CAPN13: variants seen among roughly 807,000 people sequenced by gnomAD.
The protein encoded by CAPN13 is calpain-13.
A neutral mutation model predicts 98.4 loss-of-function variants in CAPN13; 90 were observed. That is an observed-to-expected ratio of 0.92 (90% CI 0.77 to 1.09). CAPN13 has a LOEUF of 1.09. Ranked by LOEUF, CAPN13 falls within the 50% of genes least tolerant of loss-of-function variation. The pLI, the probability that CAPN13 is intolerant of heterozygous loss-of-function variation, is 0.00. For missense variants in CAPN13, 887 were observed against 841.3 expected (o/e 1.05, Z -0.67); for synonymous variants, 330 against 305.5 (o/e 1.08, Z -0.84).
At chr2:30,803,256 A>G (rs1675405250) in intron 1 of CAPN13, among the ~76,000 whole-genome samples, 1 of 152,172 alleles carries the variant, frequency 6.6e-6, no homozygotes, top group South Asian at 2.1e-4. Context: ...CTGGCTTCAG[A>G]CCTTTGAGAA....
At chr2:30,790,402 C>T (rs1047362500) in intron 1 of CAPN13, among the ~76,000 whole-genome samples, 2 of 152,176 alleles carry the variant, frequency 1.3e-5, no homozygotes, top group African/African-American at 2.4e-5. Flanking sequence ...TGGGGCAGCT[C>T]TTGGGTGTTG....
At position 30,738,581 on chromosome 2, in the gene CAPN13, C is replaced by T; in HGVS notation, c.1537-124G>A. ...TAGTCCCCACAATGTACCCATCTTG[C>T]CCTCGTCATGAAGACTTACCTGATG... On this transcript the variant is annotated intron_variant, in intron 15 of 22. Coordinates refer to ENST00000295055, the MANE Select transcript of CAPN13 (RefSeq NM_144575.3). 4 of 1,030,896 alleles carry T rather than the reference C, an allele frequency of 3.9e-6. No individual in the cohort carries two copies. The South Asian group carries it at 5.8e-5, about 15-fold the overall frequency. The allele number at this position is 1,030,896 out of a possible 1,614,324, so 63.9% of individuals were successfully genotyped here.
At chr2:30,751,080 A>G in intron 11 of CAPN13, 23 bp downstream of exon 11, 1 of 1,611,518 alleles carries the variant, frequency 6.2e-7, no homozygotes, top group Non-Finnish European at 8.5e-7. Context: ...TACAAGGGAA[A>G]GCCCTGAAGC....
chr2:30,800,122 AAG>A (rs1298285253), intron 1 of CAPN13, among the ~76,000 whole-genome samples: 1 of 115,476 alleles, frequency 8.7e-6, no homozygotes, highest in Non-Finnish European at 1.8e-5. Context: ...AAAGAAAAGA[AAG>A]AAAGAAAGAA....
At chr2:30,746,391 G>A (rs1249953375) in intron 11 of CAPN13, 2 of 153,808 alleles carry the variant, frequency 1.3e-5, no homozygotes. Context: ...ACATAAAGCT[G>A]TAAGCAGACA....
chr2:30,806,899 C>T (rs1675661304), intron 1 of CAPN13, among the ~76,000 whole-genome samples: 1 of 152,170 alleles, frequency 6.6e-6, no homozygotes, highest in African/African-American at 2.4e-5. Context: ...TATTAAGCAC[C>T]TACTATCTAA....
chr2:30,743,639 C>T (rs558572481), intron 12 of CAPN13, 60 bp from the exon 13 acceptor site: 1 of 1,510,086 alleles, frequency 6.6e-7, no homozygotes, highest in Non-Finnish European at 9.2e-7. Context: ...GGACCCCAGT[C>T]ACCAAGAAAG....
intron 19 of CAPN13, 67 bp downstream of exon 19, chr2:30,734,381 AC>A (rs1481332857): frequency 2.5e-6 from 3 of 1,210,446 alleles, no homozygotes; most frequent in Non-Finnish European, 3.7e-6. Flanking sequence ...CAGCCTTGCT[AC>A]TAGGGGTGTG....
chr2:30,788,601 C>T (rs139281342), intron 1 of CAPN13, among the ~76,000 whole-genome samples: 1 of 152,262 alleles, frequency 6.6e-6, no homozygotes, highest in Non-Finnish European at 1.5e-5. Flanking sequence ...GTGTTGCACC[C>T]ATTTCCACTT....
intron 1 of CAPN13, among the ~76,000 whole-genome samples, chr2:30,798,757 C>T (rs1284687528): frequency 6.6e-6 from 1 of 152,152 alleles, no homozygotes; most frequent in Non-Finnish European, 1.5e-5. Context: ...AAATGGTGCC[C>T]AAACCCTGCA....
rs545680044 is a variant in CAPN13 at position 30,804,570 on chromosome 2, T to C, written c.-33+2732A>G. 4.6e-5 allele frequency among the ~76,000 whole-genome samples: 7 copies of C among 152,276 alleles called. No homozygotes were observed. The East Asian group carries it at 7.7e-4, about 17-fold the overall frequency. On this transcript the variant is annotated intron_variant, in intron 1 of 22. Coordinates refer to ENST00000295055, the MANE Select transcript of CAPN13 (RefSeq NM_144575.3). ...CAACATTCATCCAAATATTTGATCA[T>C]AAATGCTTTATATCAAGGAGCCCCC...
intron 1 of CAPN13, among the ~76,000 whole-genome samples, chr2:30,802,010 C>T (rs1675310037): frequency 6.6e-6 from 1 of 152,218 alleles, no homozygotes. Flanking sequence ...CTAGCCACAA[C>T]ACAGCGGAGA....
Position 30,794,129 on chromosome 2 carries a change from C to T in CAPN13, c.-32-6772G>A, listed in dbSNP as rs192315637. Among the ~76,000 whole-genome samples, 18 of 151,292 alleles carry T rather than the reference C, an allele frequency of 1.2e-4. No individual in the cohort carries two copies. The East Asian group carries it at 1.6e-3, about 13-fold the overall frequency. Reference sequence around the variant, plus strand: ...AAACAAAAATGCAAATTTCAGACTACGTGAAAATATTTGCAGCACGTATAT... The same window carrying T: ...AAACAAAAATGCAAATTTCAGACTATGTGAAAATATTTGCAGCACGTATAT... On this transcript the variant is annotated intron_variant, in intron 1 of 22. Coordinates refer to ENST00000295055, the MANE Select transcript of CAPN13 (RefSeq NM_144575.3).
intron 1 of CAPN13, among the ~76,000 whole-genome samples, chr2:30,804,076 T>C (rs1054605022): frequency 9.9e-5 from 15 of 152,216 alleles, no homozygotes; most frequent in Non-Finnish European, 1.6e-4. Context: ...GAGAGTGCCC[T>C]GAGAATTCAG....
At position 30,770,298 on chromosome 2, in the gene CAPN13, CG is replaced by C; in HGVS notation, c.524+14del. 6.2e-7 allele frequency: 1 copy of C among 1,611,674 alleles called. No individual in the cohort carries two copies. The highest frequency in any genetic ancestry group is 8.5e-7 in the Non-Finnish European group (1 of 1,178,526). ...ACTGAAACTCTGGGCTGATGGGTGG[CG>C]GGGTTGTACTTACTTGGCATAGGCC... On this transcript the variant is annotated intron_variant, in intron 5 of 22. Transcript: ENST00000295055.
chr2:30,785,088 T>C (rs1368027744), intron 2 of CAPN13, among the ~76,000 whole-genome samples: 2 of 152,236 alleles, frequency 1.3e-5, no homozygotes, highest in Non-Finnish European at 2.9e-5. Context: ...ACGTGTGAAC[T>C]TGAAACATGC....
At chr2:30,750,708 G>C (rs1452741130) in intron 11 of CAPN13, among the ~76,000 whole-genome samples, 1 of 152,188 alleles carries the variant, frequency 6.6e-6, no homozygotes. Flanking sequence ...AGCCTCTGGA[G>C]AGCTTATGAA....
At chr2:30,725,433 AG>A (rs981558256) in intron 22 of CAPN13, among the ~76,000 whole-genome samples, 3 of 152,132 alleles carry the variant, frequency 2.0e-5, no homozygotes, top group African/African-American at 7.2e-5. Context: ...AGCCAGAGAG[AG>A]GAACAGAAGT....
chr2:30,728,872 TTA>T (rs1247322040), intron 22 of CAPN13, among the ~76,000 whole-genome samples: 2 of 152,118 alleles, frequency 1.3e-5, no homozygotes, highest in Non-Finnish European at 2.9e-5. Flanking sequence ...ACTGAAGCAG[TTA>T]GCAGGGAGAG....
Sources: allele counts gnomAD v4.1 joint callset (sites outside exome capture counted in the v4.1 genomes callset), GRCh38; gene constraint gnomAD v4.1.1; transcripts MANE v1.5; gene names NCBI Gene and HGNC (gene_info 2026-07-23, HGNC 2026-07-21).